The following RBM23 variants were observed in gnomAD, a reference collection of about 807,000 sequenced individuals.
RBM23 encodes RNA binding motif protein 23.
In RBM23, 53 loss-of-function variants were observed where a neutral mutation model predicts 56.2. The observed-to-expected ratio is 0.94, with a 90% confidence interval of 0.76 to 1.19. RBM23 has a LOEUF of 1.19. RBM23 is among the 50% of genes most tolerant of loss of function. The pLI is 0.00. For missense variants in RBM23, 642 were observed against 590.3 expected, an observed-to-expected ratio of 1.09 and a Z score of -0.91; for synonymous variants, 197 against 198.5, an observed-to-expected ratio of 0.99 and a Z score of 0.06.
chr14:22,908,849 A>G (rs914832878), intron 3 of RBM23: 1 of 155,686 alleles, frequency 6.4e-6, no homozygotes, highest in Admixed American at 6.4e-5. Context: ...CACAATACCA[A>G]CTTACAGCCC....
chr14:22,913,823 T>A (rs1339615403), intron 1 of RBM23: 2 of 151,466 alleles, frequency 1.3e-5, no homozygotes, highest in African/African-American at 4.9e-5. Flanking sequence ...TGCTCCAGCC[T>A]GGGTGACAGA....
chr14:22,916,179 G>A (rs952835759), intron 1 of RBM23, among the ~76,000 whole-genome samples: 1 of 152,116 alleles, frequency 6.6e-6, no homozygotes, highest in Admixed American at 6.6e-5. Flanking sequence ...TCATGCCGCT[G>A]CAATCCAGTC....
chr14:22,916,539 G>T (rs1486702331), intron 1 of RBM23, among the ~76,000 whole-genome samples: 1 of 150,614 alleles, frequency 6.6e-6, no homozygotes, highest in African/African-American at 2.4e-5. Context: ...GCCTCCCAAA[G>T]TACTAGGATT....
intron 5 of RBM23, 192 bp from the exon 6 acceptor site, chr14:22,905,851 C>A: frequency 1.6e-6 from 1 of 607,472 alleles, no homozygotes; most frequent in Admixed American, 3.0e-5. Context: ...CAGGCTCAAG[C>A]AATCCTCCCA....
At chr14:22,904,216 A>G in intron 10 of RBM23, 45 bp downstream of exon 10, 1 of 1,613,970 alleles carries the variant, frequency 6.2e-7, no homozygotes, top group Non-Finnish European at 8.5e-7. Flanking sequence ...AGACAAGTGG[A>G]CAAACCCAAA....
At chr14:22,906,164 CA>C (rs1394209311) in intron 5 of RBM23, 30 bp downstream of exon 5, 1 of 1,610,830 alleles carries the variant, frequency 6.2e-7, no homozygotes, top group Non-Finnish European at 8.5e-7. Context: ...GATTATTATA[CA>C]AAAGTGAATC....
intron 9 of RBM23, 152 bp downstream of exon 9, chr14:22,904,723 T>TG: frequency 8.8e-7 from 1 of 1,141,344 alleles, no homozygotes; most frequent in East Asian, 2.4e-5. Context: ...TGAACAGAGA[T>TG]GGAGCCAAAC....
rs2040210851 is a variant in RBM23 at position 22,894,218 on chromosome 14, A to C, written c.*7512T>G. ...ACTCTCAAAGCACAGCACCATTTGGAGATAAAAATTTAAGTTATGGTCTAC... is the reference window on the plus strand; with the variant it reads ...ACTCTCAAAGCACAGCACCATTTGGCGATAAAAATTTAAGTTATGGTCTAC... On this transcript the variant is annotated 3_prime_UTR_variant, in exon 14 of 14. Coordinates refer to ENST00000359890, the MANE Select transcript of RBM23 (RefSeq NM_001077351.2). The C allele has an allele frequency of 6.6e-6, 1 of 152,218 alleles. No individual in the cohort carries two copies. Among genetic ancestry groups the C allele is most frequent in the African/African-American group, 2.4e-5 (1 of 41,446 alleles). The allele number at this position is 152,218 out of a possible 1,614,324, so 9.4% of individuals were successfully genotyped here.
At chr14:22,904,767 G>C in intron 9 of RBM23, 108 bp downstream of exon 9, 1 of 1,494,960 alleles carries the variant, frequency 6.7e-7, no homozygotes, top group Non-Finnish European at 9.1e-7. Context: ...CCACTATGAC[G>C]TATGCAGCAG....
In RBM23 at chr14:22,909,083, C is replaced by T. The variant is rs181727598; in HGVS notation, c.179+400G>A. On this transcript the variant is annotated intron_variant, in intron 3 of 13. Transcript: ENST00000359890. Reference sequence around the variant, plus strand: ...TCAGCCTCCTGAGTAGCTGGGATTACAGGAGCCTGCCACCGCGCCCAGCTA... The same window carrying T: ...TCAGCCTCCTGAGTAGCTGGGATTATAGGAGCCTGCCACCGCGCCCAGCTA... 9.1e-4 allele frequency among the ~76,000 whole-genome samples: 138 copies of T among 152,150 alleles called. 1 individual carries two copies. Among genetic ancestry groups the T allele is most frequent in the African/African-American group, 3.3e-3 (138 of 41,514 alleles).
rs1423325087 is a variant in RBM23 at position 22,899,412 on chromosome 14, GCT to G, written c.*2316_*2317del. On this transcript the variant is annotated 3_prime_UTR_variant, in exon 14 of 14. Coordinates refer to ENST00000359890, the MANE Select transcript of RBM23 (RefSeq NM_001077351.2). ...TTCTGTTTTTTTGAGATGGAGGCTC[GCT>G]CTGTTGCCCAGGCTGGAGTGCAGTG... 1.3e-5 allele frequency: 2 copies of G among 152,238 alleles called. No homozygotes were observed. 9.4% of individuals were successfully genotyped at this position (152,238 alleles called of 1,614,324 possible).
chr14:22,905,463 G>T lies in RBM23; in HGVS notation c.456-10C>A. On this transcript the variant is annotated splice_polypyrimidine_tract_variant and intron_variant, in intron 6 of 13. Coordinates refer to ENST00000359890, the MANE Select transcript of RBM23 (RefSeq NM_001077351.2). Reference sequence around the variant, plus strand: ...ATTATCAACTGGCTCCCTGAAGAGTGAAATGTGTTGAGACCAGCCCTCCCA... The same window carrying T: ...ATTATCAACTGGCTCCCTGAAGAGTTAAATGTGTTGAGACCAGCCCTCCCA... The T allele has an allele frequency of 6.2e-7, 1 of 1,613,628 alleles. No individual in the cohort carries two copies. Among genetic ancestry groups the T allele is most frequent in the Non-Finnish European group, 8.5e-7 (1 of 1,179,552 alleles).
Position 22,916,453 on chromosome 14 carries a change from T to TC in RBM23, c.-11+2545dup, listed in dbSNP as rs34345339. On this transcript the variant is annotated intron_variant, in intron 1 of 13. Coordinates refer to ENST00000359890, the MANE Select transcript of RBM23 (RefSeq NM_001077351.2). ...TCATATTTTGGGCTTTTTTTTTTTT[T>TC]CTGGTAGAGACATGGTCTCACTATG... is the stretch of plus-strand genomic sequence containing the variant. Among the ~76,000 whole-genome samples, 402 of 151,052 alleles carry TC rather than the reference T, an allele frequency of 2.7e-3. 8 individuals carry two copies. Among genetic ancestry groups the TC allele is most frequent in the East Asian group, 0.02 (102 of 5,138 alleles).
intron 1 of RBM23, among the ~76,000 whole-genome samples, chr14:22,916,275 G>A (rs1369340585): frequency 7.5e-6 from 1 of 132,968 alleles, no homozygotes; most frequent in South Asian, 2.4e-4. Context: ...TTTTTTTTTT[G>A]AGACAGGATT....
At position 22,914,499 on chromosome 14, in the gene RBM23, A is replaced by G. The variant is rs114342689; in HGVS notation, c.-10-3096T>C. 4.7e-3 allele frequency among the ~76,000 whole-genome samples: 720 copies of G among 152,136 alleles called. 7 individuals are homozygous for G. The highest frequency in any genetic ancestry group is 0.016 in the African/African-American group (653 of 41,494). On this transcript the variant is annotated intron_variant, in intron 1 of 13. Coordinates refer to ENST00000359890, the MANE Select transcript of RBM23 (RefSeq NM_001077351.2). ...ACAGCGAGACTGTCTCAAAAATACA[A>G]AAACAAACAAATCTTTGGGAGTGAT...
At position 22,904,856 on chromosome 14, in the gene RBM23, TTC is replaced by T; in HGVS notation, c.864+17_864+18del. 1.2e-6 allele frequency: 2 copies of T among 1,613,886 alleles called. No individual in the cohort carries two copies. The highest frequency in any genetic ancestry group is 8.5e-7 in the Non-Finnish European group (1 of 1,179,828). ...ACTTCTTCCAATTCCCTTCAGAGGT[TTC>T]TCTCACTTCTACTCACTTTACCAAA... On this transcript the variant is annotated intron_variant, in intron 9 of 13. Coordinates refer to ENST00000359890, the MANE Select transcript of RBM23 (RefSeq NM_001077351.2).
At position 22,918,217 on chromosome 14, in the gene RBM23, A is replaced by C. The variant is rs2043905660; in HGVS notation, c.-11+782T>G. ...CGAGGTCAGCCTGGCTAACATGGCA[A>C]AACCCCATCTCTATTAAAAATACAA... On this transcript the variant is annotated intron_variant, in intron 1 of 13. Coordinates refer to ENST00000359890, the MANE Select transcript of RBM23 (RefSeq NM_001077351.2). 3.3e-5 allele frequency among the ~76,000 whole-genome samples: 5 copies of C among 152,160 alleles called. No individual in the cohort carries two copies. In the South Asian group the frequency reaches 1.0e-3, roughly 32 times the overall value.
intron 9 of RBM23, among the ~76,000 whole-genome samples, chr14:22,904,643 G>A (rs528842557): frequency 6.6e-6 from 1 of 151,436 alleles, no homozygotes; most frequent in Non-Finnish European, 1.5e-5. Flanking sequence ...GCTAATTTTT[G>A]TATTTTTTAA....
At position 22,901,344 on chromosome 14, in the gene RBM23, T is replaced by C. The variant is rs573072293; in HGVS notation, c.*386A>G. ...AGGGTTTTCCTTGACAGACTAAAGG[T>C]TAAAGGTACAGGAAAAGGAGAGAGG... On this transcript the variant is annotated 3_prime_UTR_variant, in exon 14 of 14. Transcript: ENST00000359890. 1 of 278,448 alleles carries C rather than the reference T, an allele frequency of 3.6e-6. No individual in the cohort carries two copies. Among genetic ancestry groups the C allele is most frequent in the Non-Finnish European group, 6.8e-6 (1 of 147,174 alleles). The allele number at this position is 278,448 out of a possible 1,614,324, so 17.2% of individuals were successfully genotyped here. A position where few individuals can be genotyped will look rare whatever the true frequency, so the allele number is the denominator to read the frequency against.
Sources: gnomAD v4.1 joint callset for allele counts (sites outside exome capture counted in the v4.1 genomes callset) on GRCh38, gnomAD v4.1.1 for gene constraint, MANE v1.5 for transcripts, NCBI Gene and HGNC (gene_info 2026-07-23, HGNC 2026-07-21) for gene names.